NREP: variants seen among roughly 807,000 people sequenced by gnomAD.
NREP encodes the protein neuronal regeneration-related protein.
In NREP, 5 loss-of-function variants were observed where a neutral mutation model predicts 8.6. That is an observed-to-expected ratio of 0.58 (90% CI 0.30 to 1.22). NREP has a LOEUF of 1.22. Ranked by LOEUF, NREP falls within the 50% of genes most tolerant of loss-of-function variation. NREP has a pLI of 0.07. For missense variants in NREP, 86 were observed against 82.5 expected (o/e 1.04, Z -0.17); for synonymous variants, 27 against 28.0 (o/e 0.96, Z 0.11).
intron 2 of NREP, among the ~76,000 whole-genome samples, chr5:111,972,508 T>G (rs1756849760): frequency 6.6e-6 from 1 of 152,232 alleles, no homozygotes. Context: ...ATTTTATTTT[T>G]TAATTATTTA....
intron 2 of NREP, among the ~76,000 whole-genome samples, chr5:111,955,640 G>A (rs1756294356): frequency 6.6e-6 from 1 of 152,034 alleles, no homozygotes; most frequent in African/African-American, 2.4e-5. Context: ...ATTAAATACC[G>A]ATTGAAATAC....
upstream of NREP, among the ~76,000 whole-genome samples, chr5:111,761,776 G>A (rs930760969): frequency 1.3e-5 from 2 of 152,176 alleles, no homozygotes; most frequent in Non-Finnish European, 2.9e-5. Flanking sequence ...AATTATCTTA[G>A]CCAATCAGTG....
At chr5:111,833,459 G>C (rs925871115) in intron 2 of NREP, among the ~76,000 whole-genome samples, 3 of 152,176 alleles carry the variant, frequency 2.0e-5, no homozygotes, top group African/African-American at 4.8e-5. Flanking sequence ...GCAGACCGAG[G>C]TAAAATCTGT....
intron 2 of NREP, among the ~76,000 whole-genome samples, chr5:111,754,693 T>C (rs1273852790): frequency 6.6e-6 from 1 of 152,228 alleles, no homozygotes; most frequent in Non-Finnish European, 1.5e-5. Flanking sequence ...ACAAGGTCCA[T>C]GTGGTGCTTT....
chr5:111,837,958 T>G (rs1344199444), intron 2 of NREP, among the ~76,000 whole-genome samples: 1 of 152,048 alleles, frequency 6.6e-6, no homozygotes, highest in African/African-American at 2.4e-5. Flanking sequence ...CCATCTACAA[T>G]GCAATTTTGC....
At chr5:111,953,774 C>G (rs1240516855) in intron 2 of NREP, among the ~76,000 whole-genome samples, 1 of 151,554 alleles carries the variant, frequency 6.6e-6, no homozygotes, top group East Asian at 1.9e-4. Context: ...TGCATATTGA[C>G]AAATAACAGT....
At chr5:111,932,836 T>C (rs1755579081) in intron 2 of NREP, among the ~76,000 whole-genome samples, 1 of 152,062 alleles carries the variant, frequency 6.6e-6, no homozygotes, top group African/African-American at 2.4e-5. Flanking sequence ...ACAGAATCCC[T>C]GGATTCTATC....
chr5:111,811,334 A>G (rs1299594766), intron 2 of NREP, among the ~76,000 whole-genome samples: 3 of 152,002 alleles, frequency 2.0e-5, no homozygotes, highest in African/African-American at 7.3e-5. Context: ...TCAGACATAT[A>G]CTCTTCAACC....
At chr5:111,918,057 AC>A (rs1344185407) in intron 2 of NREP, among the ~76,000 whole-genome samples, 1 of 152,158 alleles carries the variant, frequency 6.6e-6, no homozygotes, top group Non-Finnish European at 1.5e-5. Context: ...ATTCCTAGAC[AC>A]CAATAATAGA....
At chr5:111,940,185 G>T (rs1198797320) in intron 2 of NREP, 1 of 152,034 alleles carries the variant, frequency 6.6e-6, no homozygotes, top group Admixed American at 6.6e-5. Flanking sequence ...TACATAAAGG[G>T]AAACACTGTG....
chr5:111,878,826 C>CACAAACTT (rs1330089280), intron 2 of NREP, among the ~76,000 whole-genome samples: 1 of 152,140 alleles, frequency 6.6e-6, no homozygotes, highest in Non-Finnish European at 1.5e-5. Flanking sequence ...TTCAGATGCT[C>CACAAACTT]ACAAACTTTT....
chr5:111,820,133 T>TC (rs1752484162), intron 2 of NREP, among the ~76,000 whole-genome samples: 2 of 151,508 alleles, frequency 1.3e-5, no homozygotes, highest in African/African-American at 4.9e-5. Flanking sequence ...TCTCCCACTT[T>TC]GACATCTGAT....
chr5:111,897,076 T>C (rs1012767668), intron 2 of NREP, among the ~76,000 whole-genome samples: 1 of 152,114 alleles, frequency 6.6e-6, no homozygotes, highest in Admixed American at 6.6e-5. Flanking sequence ...GACACCAGCA[T>C]AGACTACTGT....
At chr5:111,957,893 A>G (rs528715387) in intron 2 of NREP, among the ~76,000 whole-genome samples, 3 of 152,098 alleles carry the variant, frequency 2.0e-5, no homozygotes, top group South Asian at 4.1e-4. Context: ...TATACATTTG[A>G]CTACCTCAAA....
intron 2 of NREP, among the ~76,000 whole-genome samples, chr5:111,812,009 T>C (rs896103681): frequency 6.6e-6 from 1 of 152,188 alleles, no homozygotes; most frequent in African/African-American, 2.4e-5. Flanking sequence ...CAAACTTGGC[T>C]GGGCATAGTG....
intron 2 of NREP, among the ~76,000 whole-genome samples, chr5:111,913,217 G>T (rs1754962890): frequency 6.6e-6 from 1 of 152,060 alleles, no homozygotes; most frequent in African/African-American, 2.4e-5. Flanking sequence ...AGGAGTCATG[G>T]ATCCCATGTC....
chr5:111,855,367 G>A (rs1753403249), intron 2 of NREP, among the ~76,000 whole-genome samples: 1 of 152,084 alleles, frequency 6.6e-6, no homozygotes, highest in Non-Finnish European at 1.5e-5. Context: ...CACAGTTGTC[G>A]GCACAGGTAA....
At chr5:111,900,948 A>G (rs1002488325) in intron 2 of NREP, among the ~76,000 whole-genome samples, 3 of 152,176 alleles carry the variant, frequency 2.0e-5, no homozygotes, top group African/African-American at 7.2e-5. Context: ...AGACTAGGCT[A>G]CAACAAATAA....
chr5:111,823,401 G>T (rs549656489), intron 2 of NREP, among the ~76,000 whole-genome samples: 1 of 152,036 alleles, frequency 6.6e-6, no homozygotes, highest in Non-Finnish European at 1.5e-5. Context: ...CTAATCCCCA[G>T]TCTAGCTCTG....
Sources: allele counts gnomAD v4.1 joint callset (sites outside exome capture counted in the v4.1 genomes callset), GRCh38; gene constraint gnomAD v4.1.1; transcripts MANE v1.5; gene names NCBI Gene and HGNC (gene_info 2026-07-23, HGNC 2026-07-21).